The following PDZD2 variants were observed in gnomAD, a reference collection of about 807,000 sequenced individuals.
PDZD2 encodes the protein PDZ domain containing 2.
In PDZD2, 90 loss-of-function variants were observed where a neutral mutation model predicts 220.7. That is an observed-to-expected ratio of 0.41 (90% confidence interval 0.34 to 0.49). The LOEUF (loss-of-function observed/expected upper bound fraction) is 0.49, where lower values mean the gene tolerates loss of function less well. Ranked by LOEUF, PDZD2 falls within the 20% of genes least tolerant of loss-of-function variation. The pLI is 0.28. For synonymous variants in PDZD2, 1,375 were observed against 1,450.5 expected (o/e 0.95, Z 1.18); for missense variants, 3,174 against 3,608.5 (o/e 0.88, Z 3.08).
chr5:31,666,979 G>A (rs1386191151), intron 1 of PDZD2, among the ~76,000 whole-genome samples: 3 of 152,112 alleles, frequency 2.0e-5, no homozygotes, highest in Non-Finnish European at 4.4e-5. Context: ...GCTCACGCCT[G>A]TAATCCCAGC....
chr5:31,689,265 A>G (rs868139434), intron 1 of PDZD2, among the ~76,000 whole-genome samples: 2 of 79,876 alleles, frequency 2.5e-5, no homozygotes, highest in African/African-American at 1.1e-4. Context: ...GTGTGTGTGT[A>G]TACATATATA....
intron 5 of PDZD2, among the ~76,000 whole-genome samples, chr5:32,009,326 G>A (rs1381050538): frequency 2.7e-5 from 4 of 145,910 alleles, no homozygotes; most frequent in African/African-American, 1.0e-4. Context: ...CTGGGCAACA[G>A]AGCGAGACTC....
intron 19 of PDZD2, among the ~76,000 whole-genome samples, chr5:32,078,996 T>C (rs1367265851): frequency 1.3e-5 from 2 of 152,002 alleles, no homozygotes; most frequent in Non-Finnish European, 2.9e-5. Flanking sequence ...TGGCTCATCA[T>C]GCCTGTAATC....
chr5:31,783,917 C>T (rs1282188420), intron 1 of PDZD2, among the ~76,000 whole-genome samples: 3 of 152,212 alleles, frequency 2.0e-5, no homozygotes, highest in East Asian at 1.9e-4. Flanking sequence ...GAGTTTTTGC[C>T]GAGTGACGTC....
At chr5:31,807,688 G>C (rs1754818933) in intron 2 of PDZD2, among the ~76,000 whole-genome samples, 2 of 152,180 alleles carry the variant, frequency 1.3e-5, no homozygotes, top group African/African-American at 4.8e-5. Flanking sequence ...AGGGATGCTG[G>C]CGGATGCAAG....
chr5:32,003,327 A>AC lies in PDZD2; in HGVS notation c.1254+3061dup, dbSNP rs1404500572. Among the ~76,000 whole-genome samples, 160 of 29,092 alleles carry AC rather than the reference A, an allele frequency of 5.5e-3. 19 individuals are homozygous for AC. Among genetic ancestry groups the AC allele is most frequent in the Admixed American group, 0.035 (99 of 2,796 alleles). 19.1% of individuals were successfully genotyped at this position (29,092 alleles called of 152,430 possible). ...CACACCACACACACCCCACACACACACCCCCACCACACCACACACACACCA... is the reference window on the plus strand; with the variant it reads ...CACACCACACACACCCCACACACACACCCCCCACCACACCACACACACACCA... On this transcript the variant is annotated intron_variant, in intron 5 of 24. Coordinates refer to ENST00000438447, the MANE Select transcript of PDZD2 (RefSeq NM_178140.4).
chr5:31,766,732 A>ATT (rs35486584), intron 1 of PDZD2, among the ~76,000 whole-genome samples: 12,785 of 143,724 alleles, frequency 0.089, 642 homozygotes, highest in South Asian at 0.18. Context: ...CTTAAGCAGA[A>ATT]TTTTTTTTTT....
chr5:31,835,624 A>C (rs547035024), intron 2 of PDZD2, among the ~76,000 whole-genome samples: 1 of 151,936 alleles, frequency 6.6e-6, no homozygotes, highest in African/African-American at 2.4e-5. Context: ...TCTCAAAAAA[A>C]AAAAAAATGT....
rs182694808 is a variant in PDZD2 at position 31,778,868 on chromosome 5, A to C, written c.-360-20021A>C. Among the ~76,000 whole-genome samples the C allele has an allele frequency of 1.3e-3, 205 of 152,328 alleles. 2 individuals are homozygous for C. Among genetic ancestry groups the C allele is most frequent in the African/African-American group, 4.3e-3 (180 of 41,578 alleles). ...TATTTAAAGGTGAAAAACCACTCAT[A>C]GATCTCCTTTCCTGAGATGAAAACC... is the stretch of plus-strand genomic sequence containing the variant. On this transcript the variant is annotated intron_variant, in intron 1 of 24. Transcript: ENST00000438447.
intron 2 of PDZD2, among the ~76,000 whole-genome samples, chr5:31,938,707 A>G (rs1745970565): frequency 6.6e-6 from 1 of 152,234 alleles, no homozygotes; most frequent in Admixed American, 6.5e-5. Flanking sequence ...AGACAGCTGA[A>G]TACCATGTTT....
At chr5:31,785,435 T>C (rs779407567) in intron 1 of PDZD2, among the ~76,000 whole-genome samples, 5 of 148,202 alleles carry the variant, frequency 3.4e-5, no homozygotes, top group African/African-American at 4.9e-5. Flanking sequence ...TATATATATA[T>C]ACATACATAT....
chr5:32,043,923 G>C (rs185510398), intron 7 of PDZD2, among the ~76,000 whole-genome samples: 2 of 152,018 alleles, frequency 1.3e-5, no homozygotes, highest in African/African-American at 4.8e-5. Flanking sequence ...CACCGTGCAC[G>C]ACCTAACCAC....
intron 7 of PDZD2, among the ~76,000 whole-genome samples, chr5:32,041,774 T>C (rs1032209173): frequency 6.6e-6 from 1 of 151,444 alleles, no homozygotes; most frequent in African/African-American, 2.4e-5. Flanking sequence ...GCTGACCTTC[T>C]CTCCACTATT....
chr5:31,642,713 G>A (rs1744996449), intron 1 of PDZD2, among the ~76,000 whole-genome samples: 1 of 152,360 alleles, frequency 6.6e-6, no homozygotes, highest in Non-Finnish European at 1.5e-5. Context: ...AGGTGAGCAA[G>A]TGCAGGGAAA....
chr5:31,809,886 T>TC (rs1330882300), intron 2 of PDZD2, among the ~76,000 whole-genome samples: 1 of 152,176 alleles, frequency 6.6e-6, no homozygotes, highest in African/African-American at 2.4e-5. Flanking sequence ...GACCTGCTCC[T>TC]CCTCTGGTAC....
intron 7 of PDZD2, among the ~76,000 whole-genome samples, chr5:32,038,804 C>G (rs1036852947): frequency 6.6e-6 from 1 of 152,116 alleles, no homozygotes; most frequent in Non-Finnish European, 1.5e-5. Flanking sequence ...CCCTCAGCTC[C>G]TGAGTTACCT....
chr5:31,846,694 TTG>T (rs1472723393), intron 2 of PDZD2, among the ~76,000 whole-genome samples: 1 of 152,220 alleles, frequency 6.6e-6, no homozygotes, highest in African/African-American at 2.4e-5. Flanking sequence ...TATTTGTGGA[TTG>T]TGTCAGAATC....
rs533825108 is a variant in PDZD2, at chr5:31,878,802, C to A, written c.476+79078C>A. Reference sequence around the variant, plus strand: ...GGTCTCGATCTCCTGACTTCGTGATCCGCCTGCCTCGGCCTCCCAAAGTGC... The same window carrying A: ...GGTCTCGATCTCCTGACTTCGTGATACGCCTGCCTCGGCCTCCCAAAGTGC... On this transcript the variant is annotated intron_variant, in intron 2 of 24. Transcript: ENST00000438447. 6.6e-5 allele frequency among the ~76,000 whole-genome samples: 10 copies of A among 151,594 alleles called. No individual in the cohort carries two copies. The East Asian group carries it at 8.0e-4, about 12-fold the overall frequency.
At chr5:31,971,581 TTGA>T (rs886918274) in intron 2 of PDZD2, among the ~76,000 whole-genome samples, 10 of 152,200 alleles carry the variant, frequency 6.6e-5, no homozygotes, top group Admixed American at 2.6e-4. Flanking sequence ...AGCTTCATAA[TTGA>T]TGATGATTTT....
Sources: allele counts gnomAD v4.1 joint callset (sites outside exome capture counted in the v4.1 genomes callset), GRCh38; gene constraint gnomAD v4.1.1; transcripts MANE v1.5; gene names NCBI Gene and HGNC (gene_info 2026-07-23, HGNC 2026-07-21).